The following RASSF5 variants were observed in gnomAD, a reference collection of about 807,000 sequenced individuals.
The protein encoded by RASSF5 is Ras association domain family member 5, also known as ras association domain-containing protein 5.
In RASSF5, 25 loss-of-function variants were observed where a neutral mutation model predicts 40.5. The ratio of observed to expected loss-of-function variants is 0.62; its 90% confidence interval spans 0.45 to 0.86. The LOEUF (loss-of-function observed/expected upper bound fraction) is 0.86. Among genes scored for constraint, RASSF5 ranks in the 40% least tolerant of loss-of-function variants. The probability of loss-of-function intolerance (pLI) is 0.00; values close to 1 mark genes in which losing one functional copy is unlikely to be tolerated. For missense variants in RASSF5, 521 were observed against 572.8 expected (o/e 0.91, Z 0.92); for synonymous variants, 246 against 252.4 (o/e 0.97, Z 0.24).
At chr1:206,573,077 T>C (rs781806797) in intron 2 of RASSF5, among the ~76,000 whole-genome samples, 18 of 152,200 alleles carry the variant, frequency 1.2e-4, no homozygotes, top group Non-Finnish European at 2.9e-5. Flanking sequence ...TAGCTAACAT[T>C]TATGGAGTGC....
intron 3 of RASSF5, 178 bp downstream of exon 3, chr1:206,583,557 T>C: frequency 1.7e-6 from 1 of 592,808 alleles, no homozygotes; most frequent in South Asian, 2.0e-5. Context: ...GTGGCCTCCA[T>C]GTGCTTTAGG....
intron 2 of RASSF5, among the ~76,000 whole-genome samples, chr1:206,556,339 A>T (rs1667986150): frequency 6.6e-6 from 1 of 152,238 alleles, no homozygotes; most frequent in African/African-American, 2.4e-5. Context: ...TATTGGAATG[A>T]GTCAATGATA....
chr1:206,548,417 T>C (rs1553400567), intron 2 of RASSF5, among the ~76,000 whole-genome samples: 1 of 152,090 alleles, frequency 6.6e-6, no homozygotes, highest in African/African-American at 2.4e-5. Flanking sequence ...CAAGCTCCTT[T>C]GAACAACCAG....
intron 1 of RASSF5, chr1:206,529,729 T>C: frequency 1.7e-6 from 1 of 588,726 alleles, no homozygotes; most frequent in Non-Finnish European, 3.1e-6. Context: ...GAGTTTTCTG[T>C]ACATAAAAAT....
chr1:206,535,323 A>G lies in RASSF5; in HGVS notation c.458-2849A>G, dbSNP rs974894430. The stretch of plus-strand genomic sequence containing the variant: ...CAGCAGCTGGTGACGAGCTGCCTTA[A>G]GGGAACTGTGGTCTGTGGAGAATTA... On this transcript the variant is annotated intron_variant, in intron 1 of 5. Transcript: ENST00000579436. The surrounding 1 kb of genome is among the most constrained non-coding windows in gnomAD (Gnocchi z 5.0). Among the ~76,000 whole-genome samples the G allele has an allele frequency of 1.3e-5, 2 of 152,214 alleles. No individual in the cohort carries two copies. The highest frequency in any genetic ancestry group is 2.9e-5 in the Non-Finnish European group (2 of 68,034).
intron 1 of RASSF5, among the ~76,000 whole-genome samples, chr1:206,528,589 C>G (rs1447872198): frequency 6.6e-6 from 1 of 152,074 alleles, no homozygotes; most frequent in Non-Finnish European, 1.5e-5. Context: ...AGTGTAGGTT[C>G]ATCAGTTGTG....
At chr1:206,561,569 C>T (rs1364275455) in intron 2 of RASSF5, among the ~76,000 whole-genome samples, 2 of 151,998 alleles carry the variant, frequency 1.3e-5, no homozygotes, top group African/African-American at 4.8e-5. Context: ...AAACCTCTAT[C>T]TTCCCACTGG....
chr1:206,511,710 G>A (rs1315500591), intron 1 of RASSF5, among the ~76,000 whole-genome samples: 3 of 152,296 alleles, frequency 2.0e-5, no homozygotes, highest in East Asian at 1.9e-4. Flanking sequence ...TGCAGCCCTC[G>A]GGGAAGGGCA....
rs193281344 is a variant in RASSF5 at position 206,526,673 on chromosome 1, C to A, written c.458-11499C>A. Among the ~76,000 whole-genome samples the A allele has an allele frequency of 2.4e-3, 366 of 152,282 alleles. 4 individuals carry two copies. Among genetic ancestry groups the A allele is most frequent in the South Asian group, 0.018 (86 of 4,822 alleles). ...ATGACCTATCCTTCCAGCCCCCCTG[C>A]CTTACTCCTCTGCACCCATTAAAGG... On this transcript the variant is annotated intron_variant, in intron 1 of 5. Transcript: ENST00000579436.
At chr1:206,516,496 G>A (rs921447513) in intron 1 of RASSF5, among the ~76,000 whole-genome samples, 1 of 151,734 alleles carries the variant, frequency 6.6e-6, no homozygotes, top group African/African-American at 2.4e-5. Context: ...TCGTTCTGTC[G>A]CCCAGACTGG....
chr1:206,581,370 G>C (rs561831581), intron 2 of RASSF5, among the ~76,000 whole-genome samples: 5 of 152,162 alleles, frequency 3.3e-5, no homozygotes, highest in Non-Finnish European at 7.3e-5. Flanking sequence ...GGCCAAGGCG[G>C]ATGGATCATT....
At chr1:206,523,405 AAT>A (rs1558497886) in intron 1 of RASSF5, among the ~76,000 whole-genome samples, 2 of 113,336 alleles carry the variant, frequency 1.8e-5, no homozygotes, top group East Asian at 4.3e-4. Flanking sequence ...TATAAATATA[AAT>A]ATTATATATT....
chr1:206,517,559 G>A (rs1487943363), intron 1 of RASSF5, among the ~76,000 whole-genome samples: 4 of 152,156 alleles, frequency 2.6e-5, no homozygotes, highest in African/African-American at 9.7e-5. Flanking sequence ...TCATCTCTGG[G>A]CAGCCTGGGA....
chr1:206,586,749 G>A (rs1157880009), intron 5 of RASSF5, 77 bp from the exon 6 acceptor site: 1 of 1,100,080 alleles, frequency 9.1e-7, no homozygotes, highest in East Asian at 2.4e-5. Context: ...GAAGGCAGCA[G>A]GGTCTCTCAG....
At chr1:206,553,046 C>G (rs1667885930) in intron 2 of RASSF5, among the ~76,000 whole-genome samples, 1 of 151,970 alleles carries the variant, frequency 6.6e-6, no homozygotes, top group South Asian at 2.1e-4. Context: ...TACTAAAATA[C>G]AAAAAATTAG....
Position 206,586,862 on chromosome 1 carries a change from C to G in RASSF5, c.1141C>G (p.Leu381Val), listed in dbSNP as rs1396094779. 9 of 1,613,958 alleles carry G rather than the reference C, an allele frequency of 5.6e-6. No individual in the cohort carries two copies. The highest frequency in any genetic ancestry group is 7.6e-6 in the Non-Finnish European group (9 of 1,179,996). Reference sequence around the variant, plus strand: ...CTCCATCCCTGAACTTCAGAACTTCCTAACAATCCTGGAAAAAGAGGAGCA... The same window carrying G: ...CTCCATCCCTGAACTTCAGAACTTCGTAACAATCCTGGAAAAAGAGGAGCA... ...AFSIPELQNFLTILEKEEQDK... is the reference protein window; with the variant it reads ...AFSIPELQNFVTILEKEEQDK... Residue 381 changes from leucine (L) to valine (V), a missense_variant, in exon 6 of 6, where the codon CTA (leucine) becomes GTA (valine). Coordinates refer to ENST00000579436, the MANE Select transcript of RASSF5 (RefSeq NM_182663.4).
At chr1:206,529,159 A>C (rs1667170796) in intron 1 of RASSF5, 2 of 1,510,182 alleles carry the variant, frequency 1.3e-6, no homozygotes, top group Non-Finnish European at 1.8e-6. Flanking sequence ...CAGTTCACCC[A>C]GGCCCTGGAC....
chr1:206,580,135 G>A (rs966335687), intron 2 of RASSF5, among the ~76,000 whole-genome samples: 15 of 152,216 alleles, frequency 9.9e-5, no homozygotes, highest in East Asian at 3.9e-4. Flanking sequence ...ACTTCCCCGC[G>A]TTTGTGGTGG....
At chr1:206,521,337 G>A (rs73079031) in intron 1 of RASSF5, among the ~76,000 whole-genome samples, 2,250 of 152,242 alleles carry the variant, frequency 0.015, 59 homozygotes, top group African/African-American at 0.049. Context: ...GCTTTCGCCC[G>A]GTTGATGATT....
Sources: gnomAD v4.1 joint callset for allele counts (sites outside exome capture counted in the v4.1 genomes callset) on GRCh38, gnomAD v4.1.1 for gene constraint, Gnocchi (gnomAD v3.1) non-coding constraint, MANE v1.5 for transcripts, NCBI Gene and HGNC (gene_info 2026-07-23, HGNC 2026-07-21) for gene names.